Variants in ACVR2A observed in about 807,000 individuals in gnomAD.
The protein encoded by ACVR2A is activin A receptor type 2A.
A neutral mutation model predicts 61.4 loss-of-function variants in ACVR2A; 7 were observed. The observed-to-expected ratio is 0.11, with a 90% CI of 0.06 to 0.21. ACVR2A has a LOEUF of 0.21. Ranked by LOEUF, ACVR2A falls within the 10% of genes least tolerant of loss-of-function variation. The probability of loss-of-function intolerance (pLI) is 1.00; values close to 1 mark genes in which losing one functional copy is unlikely to be tolerated. For missense variants in ACVR2A, 322 were observed against 621.7 expected (o/e 0.52, Z 5.13); for synonymous variants, 193 against 208.3 (o/e 0.93, Z 0.63).
At chr2:147,884,152 C>T (rs1021805698) in intron 1 of ACVR2A, among the ~76,000 whole-genome samples, 2 of 151,934 alleles carry the variant, frequency 1.3e-5, no homozygotes, top group Non-Finnish European at 2.9e-5. Context: ...AATTTATGCC[C>T]GATTTTGTTT....
In ACVR2A at chr2:147,928,981, GTTAT is replaced by G. The variant is rs1279205091; in HGVS notation, c.*1711_*1714del. ...ACTGTGAATGTGTTGTCTTCAAATG[GTTAT>G]TTAACCACACAGTACACTACATTTT... On this transcript the variant is annotated 3_prime_UTR_variant, in exon 11 of 11. Coordinates refer to ENST00000241416, the MANE Select transcript of ACVR2A (RefSeq NM_001616.5). 2.6e-5 allele frequency: 4 copies of G among 152,330 alleles called. No homozygotes were observed. The highest frequency in any genetic ancestry group is 1.9e-4 in the East Asian group (1 of 5,196). 9.4% of individuals were successfully genotyped at this position (152,330 alleles called of 1,614,324 possible).
intron 4 of ACVR2A, among the ~76,000 whole-genome samples, chr2:147,901,426 C>A (rs1686869511): frequency 6.6e-6 from 1 of 151,904 alleles, no homozygotes; most frequent in South Asian, 2.1e-4. Context: ...GTGCTTAAAG[C>A]TTTTCTTAAA....
At position 147,896,532 on chromosome 2, in the gene ACVR2A, T is replaced by C. The variant is rs1458327350; in HGVS notation, c.263+24T>C. The C allele has an allele frequency of 3.7e-6, 6 of 1,606,448 alleles. No homozygotes were observed. The African/African-American group carries it at 8.0e-5, about 21-fold the overall frequency. On this transcript the variant is annotated intron_variant, in intron 2 of 10. Coordinates refer to ENST00000241416, the MANE Select transcript of ACVR2A (RefSeq NM_001616.5). Reference sequence around the variant, plus strand: ...AGGTAAGAACACATTTAAGATTTTATGGTAGTATTGAGTAATTTTCACACT... The same window carrying C: ...AGGTAAGAACACATTTAAGATTTTACGGTAGTATTGAGTAATTTTCACACT...
intron 1 of ACVR2A, among the ~76,000 whole-genome samples, chr2:147,853,974 A>C (rs545697695): frequency 1.1e-4 from 17 of 152,234 alleles, no homozygotes; most frequent in Admixed American, 5.2e-4. Flanking sequence ...TGAATTGATA[A>C]CTCCACATAA....
chr2:147,854,052 G>T (rs1360054801), intron 1 of ACVR2A, among the ~76,000 whole-genome samples: 2 of 152,018 alleles, frequency 1.3e-5, no homozygotes, highest in African/African-American at 4.8e-5. Flanking sequence ...CCATTTAAAA[G>T]GATATGGTAT....
intron 4 of ACVR2A, among the ~76,000 whole-genome samples, chr2:147,910,751 A>G (rs1687093180): frequency 1.3e-5 from 2 of 152,114 alleles, no homozygotes; most frequent in South Asian, 2.1e-4. Flanking sequence ...CCTGTTCTCT[A>G]TCAGTGTCTG....
At chr2:147,918,048 T>C (rs181264728) in intron 6 of ACVR2A, among the ~76,000 whole-genome samples, 2 of 152,098 alleles carry the variant, frequency 1.3e-5, no homozygotes, top group East Asian at 3.9e-4. Flanking sequence ...ATTCTACATA[T>C]TAGTTGTTAT....
chr2:147,913,635 ATGAG>A (rs1385329656), intron 4 of ACVR2A, among the ~76,000 whole-genome samples: 24 of 151,682 alleles, frequency 1.6e-4, no homozygotes, highest in Admixed American at 1.3e-4. Flanking sequence ...CACTTGAAGA[ATGAG>A]GGAGGGAGGG....
intron 4 of ACVR2A, among the ~76,000 whole-genome samples, chr2:147,913,827 A>C (rs1687182896): frequency 1.7e-5 from 2 of 114,770 alleles, no homozygotes; most frequent in Non-Finnish European, 4.3e-5. Context: ...GTAGACAAAA[A>C]AAAAAAAAAA....
intron 4 of ACVR2A, among the ~76,000 whole-genome samples, chr2:147,905,166 T>A (rs1398321847): frequency 6.6e-6 from 1 of 152,112 alleles, no homozygotes; most frequent in Non-Finnish European, 1.5e-5. Flanking sequence ...CAGATTGGTG[T>A]GTATCCCTTG....
At chr2:147,881,896 A>G (rs1686311919) in intron 1 of ACVR2A, among the ~76,000 whole-genome samples, 1 of 152,088 alleles carries the variant, frequency 6.6e-6, no homozygotes, top group Non-Finnish European at 1.5e-5. Flanking sequence ...AAGTCCTCTA[A>G]AAATTTTGTT....
chr2:147,923,907 A>G (rs578078802), intron 9 of ACVR2A, among the ~76,000 whole-genome samples: 3 of 152,204 alleles, frequency 2.0e-5, no homozygotes, highest in East Asian at 1.9e-4. Context: ...AATGTAACCT[A>G]TGTTACTAAC....
chr2:147,847,458 T>G (rs1431362650), intron 1 of ACVR2A, among the ~76,000 whole-genome samples: 3 of 152,202 alleles, frequency 2.0e-5, no homozygotes, highest in Non-Finnish European at 4.4e-5. Flanking sequence ...TTTATGAGAA[T>G]TTTAAAAATT....
intron 1 of ACVR2A, among the ~76,000 whole-genome samples, chr2:147,846,425 A>AC: frequency 6.7e-6 from 1 of 149,764 alleles, no homozygotes; most frequent in African/African-American, 2.5e-5. Context: ...CGTCTTCCCC[A>AC]CCCCCCTTTA....
chr2:147,858,506 T>G (rs781264591), intron 1 of ACVR2A, among the ~76,000 whole-genome samples: 5 of 152,216 alleles, frequency 3.3e-5, no homozygotes, highest in Non-Finnish European at 7.3e-5. Flanking sequence ...CCTCTGGTAG[T>G]TCCTACAACA....
In ACVR2A at chr2:147,845,037, T is replaced by G; in HGVS notation, c.-116T>G. 3.5e-6 allele frequency: 1 copy of G among 285,102 alleles called. No individual in the cohort carries two copies. The highest frequency in any genetic ancestry group is 6.8e-6 in the Non-Finnish European group (1 of 146,534). 17.7% of individuals were successfully genotyped at this position (285,102 alleles called of 1,614,324 possible). A position where few individuals can be genotyped will look rare whatever the true frequency, so the allele number is the denominator to read the frequency against. ...TTTTTTTTTTTTTTTTGGTCTGGGC[T>G]TCCGAATATGTTTTATGACGGTTGA... On this transcript the variant is annotated 5_prime_UTR_variant, in exon 1 of 11. Transcript: ENST00000241416.
chr2:147,847,875 A>G (rs1390952160), intron 1 of ACVR2A, among the ~76,000 whole-genome samples: 1 of 152,204 alleles, frequency 6.6e-6, no homozygotes, highest in Admixed American at 6.5e-5. Flanking sequence ...GAAGTATGAG[A>G]ATGACTTTAA....
chr2:147,864,347 A>G (rs974191844), intron 1 of ACVR2A, among the ~76,000 whole-genome samples: 1 of 152,062 alleles, frequency 6.6e-6, no homozygotes, highest in African/African-American at 2.4e-5. Flanking sequence ...CTCCTGCCTC[A>G]GCCTCCTAAG....
intron 1 of ACVR2A, among the ~76,000 whole-genome samples, chr2:147,884,365 C>T (rs1388130727): frequency 6.6e-6 from 1 of 152,084 alleles, no homozygotes; most frequent in Admixed American, 6.6e-5. Context: ...CTGCATGGAA[C>T]TATTTTAATC....
Sources: gnomAD v4.1 joint callset for allele counts (sites outside exome capture counted in the v4.1 genomes callset) on GRCh38, gnomAD v4.1.1 for gene constraint, MANE v1.5 for transcripts, NCBI Gene and HGNC (gene_info 2026-07-23, HGNC 2026-07-21) for gene names.